Variants in GUCA1C observed in about 807,000 individuals in gnomAD.
GUCA1C encodes the protein guanylyl cyclase-activating protein 3.
Under a neutral mutation model 16.2 loss-of-function variants are expected in GUCA1C, and 15 were observed. The ratio of observed to expected loss-of-function variants is 0.93; its 90% CI spans 0.62 to 1.43. The LOEUF is 1.43. GUCA1C is among the 40% of genes most tolerant of loss of function. GUCA1C has a pLI of 0.00. For synonymous variants in GUCA1C, 78 were observed against 85.4 expected, an observed-to-expected ratio of 0.91 and a Z score of 0.48; for missense variants, 275 against 244.8, an observed-to-expected ratio of 1.12 and a Z score of -0.82.
intron 1 of GUCA1C, among the ~76,000 whole-genome samples, chr3:108,940,198 G>C (rs976739784): frequency 1.1e-4 from 17 of 152,174 alleles, no homozygotes; most frequent in African/African-American, 3.9e-4. Context: ...TTAAGAGATT[G>C]CAACTTAATG....
chr3:108,918,398 A>G (rs1576545639), intron 2 of GUCA1C, among the ~76,000 whole-genome samples: 1 of 152,262 alleles, frequency 6.6e-6, no homozygotes, highest in East Asian at 1.9e-4. Flanking sequence ...CTTTGTCCCA[A>G]CAAATTCTAG....
chr3:108,949,041 T>G (rs940564606), intron 1 of GUCA1C, among the ~76,000 whole-genome samples: 1 of 152,070 alleles, frequency 6.6e-6, no homozygotes, highest in African/African-American at 2.4e-5. Context: ...AGAGATGGGA[T>G]TTCATCATGC....
chr3:108,928,125 TG>T (rs1425265899), intron 1 of GUCA1C, among the ~76,000 whole-genome samples: 1 of 152,224 alleles, frequency 6.6e-6, no homozygotes, highest in East Asian at 1.9e-4. Flanking sequence ...GAGACTGCAG[TG>T]GTGATCTAGT....
chr3:108,920,312 A>G (rs903271476), intron 2 of GUCA1C, 124 bp downstream of exon 2: 6 of 714,172 alleles, frequency 8.4e-6, no homozygotes, highest in Non-Finnish European at 1.5e-5. Flanking sequence ...ATATTACTTC[A>G]GCAATTCAAA....
intron 1 of GUCA1C, among the ~76,000 whole-genome samples, chr3:108,929,502 TGA>T (rs1438287953): frequency 6.6e-6 from 1 of 152,200 alleles, no homozygotes; most frequent in African/African-American, 2.4e-5. Flanking sequence ...AAAGCAGTGA[TGA>T]GAGGGGACAT....
intron 1 of GUCA1C, among the ~76,000 whole-genome samples, chr3:108,952,155 CCATA>C (rs1167985693): frequency 6.6e-6 from 1 of 152,042 alleles, no homozygotes; most frequent in African/African-American, 2.4e-5. Context: ...CTTATAGCAG[CCATA>C]CAAAGAGTGA....
At chr3:108,953,502 A>G (rs549736927) in intron 1 of GUCA1C, 57 bp downstream of exon 1, 18,851 of 1,053,676 alleles carry the variant, frequency 0.018, 260 homozygotes, top group Non-Finnish European at 0.022. Flanking sequence ...AAAAAAAAAA[A>G]GGGAAGAGTG....
At chr3:108,909,204 A>G (rs1395497896) in intron 3 of GUCA1C, among the ~76,000 whole-genome samples, 2 of 152,244 alleles carry the variant, frequency 1.3e-5, no homozygotes, top group African/African-American at 2.4e-5. Flanking sequence ...TTTGGTTTCA[A>G]TGCAAAATGC....
At chr3:108,936,255 C>G (rs1946726312) in intron 1 of GUCA1C, among the ~76,000 whole-genome samples, 2 of 151,192 alleles carry the variant, frequency 1.3e-5, no homozygotes, top group African/African-American at 4.9e-5. Context: ...GAGTGAGACC[C>G]TGTCTCGAAA....
upstream of GUCA1C, among the ~76,000 whole-genome samples, chr3:108,955,036 G>A (rs750149692): frequency 5.9e-5 from 9 of 152,058 alleles, no homozygotes; most frequent in Non-Finnish European, 2.9e-5. Context: ...CTGGCCTACA[G>A]TTCTCTTTTC....
At chr3:108,914,269 C>T (rs1389672262) in intron 3 of GUCA1C, among the ~76,000 whole-genome samples, 1 of 152,122 alleles carries the variant, frequency 6.6e-6, no homozygotes, top group East Asian at 1.9e-4. Flanking sequence ...ATTCACGTCT[C>T]TTTTAACCCA....
upstream of GUCA1C, chr3:108,953,911 T>C (rs2107324585): frequency 1.6e-6 from 1 of 610,850 alleles, no homozygotes; most frequent in Non-Finnish European, 2.9e-6. Flanking sequence ...TAAATAAGAA[T>C]AGAAAGCCAG....
chr3:108,935,083 G>T (rs559398143), intron 1 of GUCA1C, among the ~76,000 whole-genome samples: 1 of 151,924 alleles, frequency 6.6e-6, no homozygotes. Flanking sequence ...AAAGTGCTGG[G>T]ATTACAGGCA....
At chr3:108,940,458 G>C (rs1211960767) in intron 1 of GUCA1C, among the ~76,000 whole-genome samples, 2 of 152,208 alleles carry the variant, frequency 1.3e-5, no homozygotes, top group Non-Finnish European at 2.9e-5. Flanking sequence ...ATTTCAAGTA[G>C]AGCTGGGGCT....
chr3:108,930,124 G>A (rs1946653589), intron 1 of GUCA1C, among the ~76,000 whole-genome samples: 1 of 152,200 alleles, frequency 6.6e-6, no homozygotes, highest in Non-Finnish European at 1.5e-5. Context: ...CCAGCTCTAG[G>A]GAGGCATGTG....
chr3:108,932,105 C>T (rs1319032438), intron 1 of GUCA1C, among the ~76,000 whole-genome samples: 3 of 151,656 alleles, frequency 2.0e-5, no homozygotes, highest in Non-Finnish European at 4.4e-5. Context: ...CCACCTCGGC[C>T]TCCCAAAGTG....
intron 1 of GUCA1C, among the ~76,000 whole-genome samples, chr3:108,928,374 A>G (rs1946640888): frequency 6.6e-6 from 1 of 152,038 alleles, no homozygotes; most frequent in Non-Finnish European, 1.5e-5. Context: ...TTTTGCAGAT[A>G]TTTTCTCCCA....
At chr3:108,918,972 G>A (rs1421499409) in intron 2 of GUCA1C, among the ~76,000 whole-genome samples, 2 of 151,866 alleles carry the variant, frequency 1.3e-5, no homozygotes, top group African/African-American at 4.8e-5. Flanking sequence ...TGTTTTTCCT[G>A]ACTCAAAATA....
intron 2 of GUCA1C, among the ~76,000 whole-genome samples, chr3:108,916,827 TA>T (rs1946522929): frequency 6.6e-6 from 1 of 152,180 alleles, no homozygotes; most frequent in Admixed American, 6.5e-5. Context: ...CCAAGGTGAT[TA>T]AATTAAATGA....
Sources: gnomAD v4.1 joint callset for allele counts (sites outside exome capture counted in the v4.1 genomes callset) on GRCh38, gnomAD v4.1.1 for gene constraint, MANE v1.5 for transcripts, NCBI Gene and HGNC (gene_info 2026-07-23, HGNC 2026-07-21) for gene names.